AKR7A3: variants seen among roughly 807,000 people sequenced by gnomAD.
AKR7A3 encodes the protein aldo-keto reductase family 7 member A3, also known as AFB1 aldehyde reductase 2.
In AKR7A3, 37 loss-of-function variants were observed where a neutral mutation model predicts 32.5. The observed-to-expected ratio is 1.14, with a 90% confidence interval of 0.88 to 1.50. The LOEUF is 1.50. Among genes scored for constraint, AKR7A3 ranks in the 40% most tolerant of loss-of-function variants. The probability of loss-of-function intolerance (pLI) is 0.00; values close to 1 mark genes in which losing one functional copy is unlikely to be tolerated. For missense variants in AKR7A3, 412 were observed against 453.2 expected (o/e 0.91, Z 0.83); for synonymous variants, 177 against 188.4 (o/e 0.94, Z 0.50).
In AKR7A3 at chr1:19,283,976, C is replaced by A. The variant is rs550188783; in HGVS notation, c.834+20G>T. On this transcript the variant is annotated intron_variant, in intron 6 of 6. Coordinates refer to ENST00000361640, the MANE Select transcript of AKR7A3 (RefSeq NM_012067.3). The stretch of plus-strand genomic sequence containing the variant: ...TTCCCCTGGAAGGGAAGAAGCTGAG[C>A]GCACAGGGTCACTGGTTACCTGCAG... 8 of 1,612,482 alleles carry A rather than the reference C, an allele frequency of 5.0e-6. No homozygotes were observed. The highest frequency in any genetic ancestry group is 1.1e-5 in the South Asian group (1 of 91,018).
chr1:19,276,423 GGA>G, the AKR7A3 span, among the ~76,000 whole-genome samples: 3 of 149,478 alleles, frequency 2.0e-5, no homozygotes, highest in Non-Finnish European at 3.0e-5. Context: ...CAACATGAAT[GGA>G]ATATCCAACA....
chr1:19,284,923 C>G, intron 4 of AKR7A3, 95 bp downstream of exon 4: 1 of 1,591,114 alleles, frequency 6.3e-7, no homozygotes, highest in Non-Finnish European at 8.6e-7. Context: ...CCTCAGAGGT[C>G]AAAGTTTGTC....
chr1:19,282,495 T>C, downstream of AKR7A3: 4 of 692,306 alleles, frequency 5.8e-6, no homozygotes, highest in Non-Finnish European at 9.5e-6. Context: ...GTGAGCCAAA[T>C]AAACCTCTTT....
chr1:19,284,214 C>T (rs2093724638), intron 5 of AKR7A3, 89 bp from the exon 6 acceptor site: 7 of 1,496,016 alleles, frequency 4.7e-6, no homozygotes, highest in Admixed American at 2.3e-5. Flanking sequence ...CCACCCCACA[C>T]CCTGCAGCCC....
downstream of AKR7A3, among the ~76,000 whole-genome samples, chr1:19,278,723 T>C (rs1322573791): frequency 1.3e-5 from 2 of 151,874 alleles, no homozygotes; most frequent in Non-Finnish European, 2.9e-5. Flanking sequence ...TCCTCATAAG[T>C]GCACCCAAAA....
the AKR7A3 span, among the ~76,000 whole-genome samples, chr1:19,277,245 T>A: frequency 6.6e-6 from 1 of 151,248 alleles, no homozygotes; most frequent in South Asian, 2.1e-4. Flanking sequence ...GAACTGAAAA[T>A]AAGTAAATAG....
intron 1 of AKR7A3, among the ~76,000 whole-genome samples, chr1:19,287,702 G>A (rs897822792): frequency 2.0e-5 from 3 of 152,058 alleles, no homozygotes; most frequent in African/African-American, 7.2e-5. Flanking sequence ...CTGCCCTGAC[G>A]CCCTTGCCCC....
At chr1:19,281,355 T>G (rs921449536), downstream of AKR7A3, among the ~76,000 whole-genome samples, 1 of 151,880 alleles carries the variant, frequency 6.6e-6, no homozygotes, top group Non-Finnish European at 1.5e-5. Flanking sequence ...AAAAAAAAGC[T>G]GGCTGGGTGT....
Position 19,286,005 on chromosome 1 carries a change from G to A in AKR7A3, c.403-13C>T. On this transcript the variant is annotated splice_polypyrimidine_tract_variant and intron_variant, in intron 2 of 6. Transcript: ENST00000361640. The stretch of plus-strand genomic sequence containing the variant: ...CCACGAACTTGCCCTGCTCAGGTGA[G>A]GCTCCAGTCAGAACATAGTGCAGCC... 6.2e-7 allele frequency: 1 copy of A among 1,613,632 alleles called. No homozygotes were observed. The highest frequency in any genetic ancestry group is 8.5e-7 in the Non-Finnish European group (1 of 1,179,910).
chr1:19,280,679 T>C (rs2093717426), downstream of AKR7A3, among the ~76,000 whole-genome samples: 1 of 151,502 alleles, frequency 6.6e-6, no homozygotes, highest in African/African-American at 2.4e-5. Flanking sequence ...CACACCATTC[T>C]CCCGCCTCAG....
Position 19,282,735 on chromosome 1 carries a change from CG to C in AKR7A3, c.991del (p.Arg331AlafsTer30), listed in dbSNP as rs1558130358. 4 of 1,613,830 alleles carry C rather than the reference CG, an allele frequency of 2.5e-6. No individual in the cohort carries two copies. The highest frequency in any genetic ancestry group is 1.3e-5 in the African/African-American group (1 of 74,714). On this transcript the variant is annotated frameshift_variant, in exon 7 of 7. Coordinates refer to ENST00000361640, the MANE Select transcript of AKR7A3 (RefSeq NM_012067.3). LOFTEE classifies it high-confidence loss of function. The stretch of plus-strand genomic sequence containing the variant: ...GCAGCCTGAGAAACGATGGGCCTAG[CG>C]GAAGTAGTTGGGACATTCGTGAGTA... ...LVTHECPNYF[R>X]
the AKR7A3 span, chr1:19,274,237 G>T: frequency 8.2e-4 from 1,085 of 1,327,238 alleles, 18 homozygotes; most frequent in African/African-American, 0.014. Context: ...CCGCCCACGC[G>T]CTGGACTCCG....
chr1:19,277,729 C>T (rs918993557), downstream of AKR7A3, among the ~76,000 whole-genome samples: 2 of 151,886 alleles, frequency 1.3e-5, no homozygotes, highest in African/African-American at 4.9e-5. Flanking sequence ...CCATGTTGGC[C>T]AGGCTGGTCT....
At position 19,285,733 on chromosome 1, in the gene AKR7A3, G is replaced by A. The variant is rs202005613; in HGVS notation, c.507+155C>T. 3.8e-4 allele frequency among the ~76,000 whole-genome samples: 58 copies of A among 151,676 alleles called. No individual in the cohort carries two copies. The East Asian group carries it at 0.011, about 29-fold the overall frequency. ...GCCCAGTGGCCAGCCTGAGGAGCTT[G>A]AATGGCATCCTGAGGGTACCTGGGA... On this transcript the variant is annotated intron_variant, in intron 3 of 6. Coordinates refer to ENST00000361640, the MANE Select transcript of AKR7A3 (RefSeq NM_012067.3).
At chr1:19,281,930 G>C (rs1229134262), downstream of AKR7A3, among the ~76,000 whole-genome samples, 2 of 151,928 alleles carry the variant, frequency 1.3e-5, no homozygotes, top group Non-Finnish European at 2.9e-5. Context: ...CCCAGTACGG[G>C]TACCACCACT....
At chr1:19,287,144 T>C (rs1210150436) in intron 1 of AKR7A3, among the ~76,000 whole-genome samples, 3 of 151,428 alleles carry the variant, frequency 2.0e-5, no homozygotes, top group Non-Finnish European at 2.9e-5. Flanking sequence ...CCAGTTTCAA[T>C]GAATAATACA....
intron 4 of AKR7A3, 24 bp downstream of exon 4, chr1:19,284,994 C>T: frequency 1.2e-6 from 2 of 1,612,026 alleles, no homozygotes; most frequent in South Asian, 2.2e-5. Flanking sequence ...TAGGCTGAGA[C>T]AGGGCCAGGA....
chr1:19,285,256 T>C (rs1312119017), intron 3 of AKR7A3, 142 bp from the exon 4 acceptor site: 11 of 798,110 alleles, frequency 1.4e-5, no homozygotes. Context: ...TAACTGGTGC[T>C]GGTGAAAGAA....
Position 19,282,657 on chromosome 1 carries a change from G to GT in AKR7A3, c.*73dup. 6.2e-7 allele frequency: 1 copy of GT among 1,607,992 alleles called. No homozygotes were observed. Among genetic ancestry groups the GT allele is most frequent in the Non-Finnish European group, 8.5e-7 (1 of 1,176,682 alleles). ...CCATCCCTAAGAATTTACTGAGGCA[G>GT]TTCTAAATTAAAGAAAATGTGAGTA... On this transcript the variant is annotated 3_prime_UTR_variant, in exon 7 of 7. Transcript: ENST00000361640.
Sources: allele counts gnomAD v4.1 joint callset (sites outside exome capture counted in the v4.1 genomes callset), GRCh38; gene constraint gnomAD v4.1.1; transcripts MANE v1.5; gene names NCBI Gene and HGNC (gene_info 2026-07-23, HGNC 2026-07-21).